Variants in ROBO2 observed in about 807,000 individuals in gnomAD.
The protein encoded by ROBO2 is roundabout homolog 2.
ROBO2 carries 53 observed loss-of-function variants against 160.8 expected under a neutral mutation model. The ratio of observed to expected loss-of-function variants is 0.33; its 90% CI spans 0.26 to 0.41. The LOEUF (loss-of-function observed/expected upper bound fraction) is 0.41. Among genes scored for constraint, ROBO2 ranks in the 10% least tolerant of loss-of-function variants. ROBO2 has a pLI of 1.00. For missense variants in ROBO2, 1,577 were observed against 1,722.4 expected (o/e 0.92, Z 1.49); for synonymous variants, 664 against 611.7 (o/e 1.09, Z -1.26).
intron 2 of ROBO2, among the ~76,000 whole-genome samples, chr3:76,091,763 T>C (rs572982747): frequency 6.6e-5 from 10 of 152,226 alleles, no homozygotes; most frequent in African/African-American, 2.2e-4. Context: ...AGAAATAAAC[T>C]ATCAAGCTAT....
intron 2 of ROBO2, among the ~76,000 whole-genome samples, chr3:76,532,540 C>T (rs1297980457): frequency 1.3e-5 from 2 of 152,096 alleles, no homozygotes; most frequent in African/African-American, 2.4e-5. Context: ...AGACAATTTG[C>T]CTTATAAGTA....
intron 2 of ROBO2, among the ~76,000 whole-genome samples, chr3:76,070,062 A>G (rs755420048): frequency 1.3e-5 from 2 of 152,138 alleles, no homozygotes; most frequent in Non-Finnish European, 2.9e-5. Context: ...CCTCAGGACC[A>G]AGTGATAATT....
intron 2 of ROBO2, among the ~76,000 whole-genome samples, chr3:76,033,839 T>C (rs543849494): frequency 2.6e-5 from 4 of 152,294 alleles, no homozygotes; most frequent in African/African-American, 9.6e-5. Flanking sequence ...ATTGTGTTTC[T>C]ACCTGCGGCC....
intron 2 of ROBO2, among the ~76,000 whole-genome samples, chr3:76,165,139 G>C (rs113281457): frequency 2.6e-5 from 4 of 152,130 alleles, no homozygotes; most frequent in African/African-American, 9.7e-5. Context: ...GAAAGTACTA[G>C]ATGGAATCTT....
chr3:76,386,374 C>T (rs1160722147), intron 2 of ROBO2, among the ~76,000 whole-genome samples: 1 of 135,532 alleles, frequency 7.4e-6, no homozygotes, highest in Non-Finnish European at 1.5e-5. Context: ...TTCCTCCCCT[C>T]CTTTCAGAAG....
exon 11 of ROBO2, chr3:77,563,267 G>C (rs573285267): frequency 5.6e-6 from 9 of 1,613,666 alleles, no homozygotes; most frequent in South Asian, 1.1e-5. Flanking sequence ...GTGTCACCTT[G>C]TCCTGGCAGC....
chr3:76,883,060 A>T (rs1003042895), intron 2 of ROBO2, among the ~76,000 whole-genome samples: 4 of 152,204 alleles, frequency 2.6e-5, no homozygotes, highest in African/African-American at 9.6e-5. Flanking sequence ...AAACAAAAAC[A>T]CCATCATCAC....
intron 2 of ROBO2, among the ~76,000 whole-genome samples, chr3:76,051,790 T>C (rs1321589794): frequency 7.2e-5 from 11 of 152,058 alleles, no homozygotes; most frequent in Non-Finnish European, 4.4e-5. Flanking sequence ...ATGACAAATT[T>C]TAGAAGGGAA....
intron 2 of ROBO2, among the ~76,000 whole-genome samples, chr3:77,297,427 G>A (rs76759590): frequency 0.015 from 2,309 of 152,152 alleles, 16 homozygotes; most frequent in Non-Finnish European, 0.022. Context: ...AAAACGAGGG[G>A]AAGTTAAAAT....
At chr3:77,141,950 A>G (rs1234165334) in intron 2 of ROBO2, among the ~76,000 whole-genome samples, 3 of 152,216 alleles carry the variant, frequency 2.0e-5, no homozygotes. Context: ...CCGTTAATGT[A>G]GTTTTACAGT....
chr3:76,248,325 G>A (rs1705755030), intron 2 of ROBO2, among the ~76,000 whole-genome samples: 1 of 151,962 alleles, frequency 6.6e-6, no homozygotes, highest in Non-Finnish European at 1.5e-5. Flanking sequence ...AAAATGATGA[G>A]TTCATGTCCT....
intron 2 of ROBO2, among the ~76,000 whole-genome samples, chr3:77,454,511 T>A (rs982409361): frequency 1.3e-5 from 2 of 152,174 alleles, no homozygotes; most frequent in African/African-American, 2.4e-5. Context: ...AAGTTGGAAA[T>A]ATTTGTATTA....
intron 2 of ROBO2, among the ~76,000 whole-genome samples, chr3:76,406,988 C>A (rs1178095123): frequency 2.7e-5 from 4 of 146,136 alleles, no homozygotes; most frequent in African/African-American, 1.0e-4. Context: ...GGCCAGACCA[C>A]CCTGAGTTGT....
intron 2 of ROBO2, among the ~76,000 whole-genome samples, chr3:77,253,888 A>G (rs981399680): frequency 6.6e-6 from 1 of 152,172 alleles, no homozygotes; most frequent in Non-Finnish European, 1.5e-5. Context: ...AATCTGTAAT[A>G]TTTGAAATAT....
intron 2 of ROBO2, among the ~76,000 whole-genome samples, chr3:76,445,335 T>A (rs1228987499): frequency 1.3e-5 from 2 of 152,108 alleles, no homozygotes; most frequent in Non-Finnish European, 2.9e-5. Flanking sequence ...CACTTGAAAT[T>A]GAGAGGGAAA....
intron 2 of ROBO2, among the ~76,000 whole-genome samples, chr3:76,878,365 C>T (rs543590182): frequency 3.9e-5 from 6 of 152,198 alleles, no homozygotes; most frequent in African/African-American, 1.4e-4. Flanking sequence ...GGTGCTTTAT[C>T]TGTTATTCCC....
intron 2 of ROBO2, among the ~76,000 whole-genome samples, chr3:76,268,431 A>T (rs1477763788): frequency 6.6e-6 from 1 of 152,152 alleles, no homozygotes; most frequent in Non-Finnish European, 1.5e-5. Flanking sequence ...ATTTCTGGAG[A>T]ATGGAAATTC....
At chr3:76,567,797 G>GTGTGTATA (rs1260549103) in intron 2 of ROBO2, among the ~76,000 whole-genome samples, 15 of 72,454 alleles carry the variant, frequency 2.1e-4, no homozygotes, top group African/African-American at 7.9e-4. Context: ...GTGTGTGTGT[G>GTGTGTATA]TATATATATA....
Position 76,631,516 on chromosome 3 carries a change from C to T in ROBO2, c.110-466498C>T, listed in dbSNP as rs61521211. Among the ~76,000 whole-genome samples the T allele has an allele frequency of 2.3e-4, 35 of 152,032 alleles. 1 individual carries two copies. In the East Asian group the frequency reaches 6.8e-3, roughly 29 times the overall value. Reference sequence around the variant, plus strand: ...GAGATGGATCAAAGAGGGTATTATTCAAGTTCTGAATCTGGGAAAAAAAGA... The same window carrying T: ...GAGATGGATCAAAGAGGGTATTATTTAAGTTCTGAATCTGGGAAAAAAAGA... On this transcript the variant is annotated intron_variant, in intron 2 of 26. Coordinates refer to the ROBO2 transcript ENST00000487694.
Sources: gnomAD v4.1 joint callset for allele counts (sites outside exome capture counted in the v4.1 genomes callset) on GRCh38, gnomAD v4.1.1 for gene constraint, MANE v1.5 for transcripts, NCBI Gene and HGNC (gene_info 2026-07-23, HGNC 2026-07-21) for gene names.